The following PRR12 variants were observed in gnomAD, a reference collection of about 807,000 sequenced individuals.
The protein encoded by PRR12 is proline rich 12.
A neutral mutation model predicts 138.0 loss-of-function variants in PRR12; 12 were observed. The ratio of observed to expected loss-of-function variants is 0.09; its 90% confidence interval spans 0.06 to 0.14. The LOEUF (loss-of-function observed/expected upper bound fraction) is 0.14. Among genes scored for constraint, PRR12 ranks in the 10% least tolerant of loss-of-function variants. The probability of loss-of-function intolerance (pLI) is 1.00; values close to 1 mark genes in which losing one functional copy is unlikely to be tolerated. For synonymous variants in PRR12, 1,567 were observed against 1,291.7 expected, an observed-to-expected ratio of 1.21 and a Z score of -4.57; for missense variants, 2,692 against 2,861.3, an observed-to-expected ratio of 0.94 and a Z score of 1.35.
chr19:49,595,283 T>C lies in PRR12; in HGVS notation c.948T>C (p.Cys316=). ...ATGCGCTCCAGCACTATCTGAGCTG[T>C]GGAGGCAGCTACCCCTCCATGGGCC... is the stretch of plus-strand genomic sequence containing the variant. ...PAHALQHYLS[C]GGSYPSMGHR... The change falls in exon 4 of 14, where the codon TGT becomes TGC. Residue 316 remains cysteine, a synonymous_variant. Transcript: ENST00000418929. 6.5e-7 allele frequency: 1 copy of C among 1,545,232 alleles called. No homozygotes were observed. The highest frequency in any genetic ancestry group is 8.7e-7 in the Non-Finnish European group (1 of 1,146,366).
intron 1 of PRR12, among the ~76,000 whole-genome samples, chr19:49,593,001 G>T (rs762972046): frequency 5.9e-5 from 9 of 152,072 alleles, no homozygotes; most frequent in Non-Finnish European, 1.0e-4. Flanking sequence ...CGACGGGGGA[G>T]GGCTCTCATT....
chr19:49,602,051 C>T, intron 6 of PRR12, 133 bp downstream of exon 6: 1 of 1,119,676 alleles, frequency 8.9e-7, no homozygotes, highest in Non-Finnish European at 1.3e-6. Flanking sequence ...AATTTGCAGT[C>T]CTATGGGGCT....
At position 49,615,136 on chromosome 19, in the gene PRR12, AGAG is replaced by A. The variant is rs1026015035; in HGVS notation, c.5024+129_5024+131del. ...GAGAGAGGAGACAGAGCCCAGAGAG[AGAG>A]GGGGACAGAGACCCGGAGAGAAATA... On this transcript the variant is annotated intron_variant, in intron 8 of 13. Coordinates refer to ENST00000418929, the MANE Select transcript of PRR12 (RefSeq NM_020719.3). 6 of 1,342,774 alleles carry A rather than the reference AGAG, an allele frequency of 4.5e-6. No homozygotes were observed. The African/African-American group carries it at 8.8e-5, about 20-fold the overall frequency. 83.2% of individuals were successfully genotyped at this position (1,342,774 alleles called of 1,614,324 possible). A position where few individuals can be genotyped will look rare whatever the true frequency, so the allele number is the denominator to read the frequency against.
At chr19:49,598,169 G>A (rs2080788390) in intron 4 of PRR12, among the ~76,000 whole-genome samples, 156 bp downstream of exon 4, 1 of 151,974 alleles carries the variant, frequency 6.6e-6, no homozygotes, top group Non-Finnish European at 1.5e-5. Context: ...CGCCTCCCGG[G>A]TTCACGCCAT....
Position 49,596,396 on chromosome 19 carries a change from C to T in PRR12, c.2061C>T (p.Pro687=), listed in dbSNP as rs1196833048. Residue 687 remains proline, a synonymous_variant, in exon 4 of 14, where the codon CCC becomes CCT. Coordinates refer to ENST00000418929, the MANE Select transcript of PRR12 (RefSeq NM_020719.3). The surrounding 1 kb of genome is among the most constrained non-coding windows in gnomAD (Gnocchi z 5.6). ...SGGAGGPPGT[P]YELAKEDPQR... is the part of the protein sequence containing the mutation. ...GGGCCGGGGGACCACCGGGTACACC[C>T]TACGAGTTGGCCAAGGAAGACCCCC... The T allele has an allele frequency of 3.1e-6, 5 of 1,605,604 alleles. No individual in the cohort carries two copies. In the South Asian group the frequency reaches 3.3e-5, roughly 11 times the overall value.
intron 1 of PRR12, 94 bp from the exon 2 acceptor site, chr19:49,593,233 G>T: frequency 5.3e-6 from 3 of 562,870 alleles, no homozygotes; most frequent in Non-Finnish European, 9.3e-6. Flanking sequence ...CCGGTCAGCT[G>T]GAAGGGTCCC....
Position 49,597,319 on chromosome 19 carries a change from C to G in PRR12, c.2984C>G (p.Pro995Arg). The G allele has an allele frequency of 6.4e-7, 1 of 1,550,694 alleles. No homozygotes were observed. Among genetic ancestry groups the G allele is most frequent in the Non-Finnish European group, 8.7e-7 (1 of 1,151,380 alleles). The part of the protein sequence containing the change: ...PAYDPYGPYC[P>R]GRASGAGPET... ...TATGATCCCTATGGGCCCTACTGTC[C>G]TGGCCGGGCGTCGGGAGCCGGGCCC... Residue 995 changes from proline (P) to arginine (R), a missense_variant, in exon 4 of 14, where the codon CCT (proline) becomes CGT (arginine). By Grantham distance (103) the Pro-to-Arg change is moderately radical (BLOSUM62 -2). Around this residue, in one of 11 missense-constraint regions of PRR12, gnomAD observed 840 missense variants for 689.8 expected, o/e 1.22. Transcript: ENST00000418929. The surrounding 1 kb of genome is among the most constrained non-coding windows in gnomAD (Gnocchi z 6.3).
intron 6 of PRR12, among the ~76,000 whole-genome samples, chr19:49,610,450 A>G (rs1215040460): frequency 1.3e-5 from 2 of 152,072 alleles, no homozygotes; most frequent in Non-Finnish European, 2.9e-5. Flanking sequence ...GGCTGAGTGC[A>G]GTGGCCCACG....
Position 49,597,923 on chromosome 19 carries a change from C to T in PRR12, c.3588C>T (p.Gly1196=), listed in dbSNP as rs1375532919. 7.8e-6 allele frequency: 11 copies of T among 1,403,948 alleles called. No individual in the cohort carries two copies. Among genetic ancestry groups the T allele is most frequent in the Non-Finnish European group, 9.2e-6 (10 of 1,083,032 alleles). 87.0% of individuals were successfully genotyped at this position (1,403,948 alleles called of 1,614,324 possible). Residue 1196 remains glycine, a synonymous_variant, in exon 4 of 14, where the codon GGC becomes GGT. Coordinates refer to ENST00000418929, the MANE Select transcript of PRR12 (RefSeq NM_020719.3). The surrounding 1 kb of genome is among the most constrained non-coding windows in gnomAD (Gnocchi z 6.3). ...GPASASTPTD[G]AKKPRGRGRG... ...CCTCGGCCTCCACGCCCACCGATGGCGCCAAGAAACCCCGGGGCCGGGGCC... is the reference window on the plus strand; with the variant it reads ...CCTCGGCCTCCACGCCCACCGATGGTGCCAAGAAACCCCGGGGCCGGGGCC...
intron 6 of PRR12, among the ~76,000 whole-genome samples, chr19:49,604,230 T>C (rs960951866): frequency 2.0e-5 from 3 of 151,426 alleles, no homozygotes; most frequent in Non-Finnish European, 4.4e-5. Context: ...AGGCCGGGAG[T>C]GGTGGCTCAC....
At chr19:49,619,704 G>A (rs1253061858) in intron 9 of PRR12, among the ~76,000 whole-genome samples, 3 of 149,600 alleles carry the variant, frequency 2.0e-5, no homozygotes, top group Non-Finnish European at 4.4e-5. Context: ...ACCATGCCCG[G>A]CTAATTTTGT....
Position 49,625,373 on chromosome 19 carries a change from T to A in PRR12, c.5965-88T>A, listed in dbSNP as rs2080949469. ...CCCTGGTCTCCCTGGGACACTGACATCTGACACCCCAGGCCCCATGCCCCA... is the reference window on the plus strand; with the variant it reads ...CCCTGGTCTCCCTGGGACACTGACAACTGACACCCCAGGCCCCATGCCCCA... On this transcript the variant is annotated intron_variant, in intron 13 of 13. Coordinates refer to ENST00000418929, the MANE Select transcript of PRR12 (RefSeq NM_020719.3). The surrounding 1 kb of genome is among the most constrained non-coding windows in gnomAD (Gnocchi z 5.5). 7 of 1,459,450 alleles carry A rather than the reference T, an allele frequency of 4.8e-6. No individual in the cohort carries two copies. The highest frequency in any genetic ancestry group is 6.5e-6 in the Non-Finnish European group (7 of 1,083,140). The allele number at this position is 1,459,450 out of a possible 1,614,324, so 90.4% of individuals were successfully genotyped here.
At position 49,596,485 on chromosome 19, in the gene PRR12, C is replaced by T. The variant is rs2080769955; in HGVS notation, c.2150C>T (p.Ala717Val). 2 of 1,610,730 alleles carry T rather than the reference C, an allele frequency of 1.2e-6. No individual in the cohort carries two copies. Among genetic ancestry groups the T allele is most frequent in the Non-Finnish European group, 1.7e-6 (2 of 1,179,212 alleles). ...AGCCTGGATGAGGGTGCCACTGCGG[C>T]ACTGGAGCTGGGCCTGGGGAGGCTG... ...SASLDEGATA[A>V]LELGLGRLKE... Residue 717 changes from alanine to valine, a missense_variant, in exon 4 of 14, where the codon GCA becomes GTA. Around this residue, in one of 11 missense-constraint regions of PRR12, gnomAD observed 840 missense variants for 689.8 expected, o/e 1.22. Coordinates refer to ENST00000418929, the MANE Select transcript of PRR12 (RefSeq NM_020719.3). The surrounding 1 kb of genome is among the most constrained non-coding windows in gnomAD (Gnocchi z 5.6).
chr19:49,617,125 C>T (rs552316058), intron 9 of PRR12, among the ~76,000 whole-genome samples: 67 of 145,692 alleles, frequency 4.6e-4, no homozygotes, highest in East Asian at 2.0e-3. Context: ...AACAAGACTC[C>T]GTCTCAAAAA....
Position 49,595,781 on chromosome 19 carries a change from C to T in PRR12, c.1446C>T (p.Pro482=). The T allele has an allele frequency of 6.3e-7, 1 of 1,598,120 alleles. No homozygotes were observed. The highest frequency in any genetic ancestry group is 1.7e-5 in the Admixed American group (1 of 58,104). Reference sequence around the variant, plus strand: ...GCTACTCAGGGGGCCCCCCACAGCCCCCCAGCGGCCCCCCTCCTCCTGGCC... The same window carrying T: ...GCTACTCAGGGGGCCCCCCACAGCCTCCCAGCGGCCCCCCTCCTCCTGGCC... ...APSYSGGPPQ[P]PSGPPPPGLA... The change falls in exon 4 of 14, where the codon CCC becomes CCT. Residue 482 remains proline (P), a synonymous_variant. Transcript: ENST00000418929.
At chr19:49,609,086 G>A (rs943182969) in intron 6 of PRR12, among the ~76,000 whole-genome samples, 1 of 152,162 alleles carries the variant, frequency 6.6e-6, no homozygotes, top group African/African-American at 2.4e-5. Context: ...GGCTGAGGTG[G>A]GTGAATCGCT....
chr19:49,619,065 G>A lies in PRR12; in HGVS notation c.5498-1287G>A, dbSNP rs1228970340. ...AGCTCCCATCTCGTCCCTCAGCCTTGCCCCTTTATGATCTGACCTCCCTGG... is the reference window on the plus strand; with the variant it reads ...AGCTCCCATCTCGTCCCTCAGCCTTACCCCTTTATGATCTGACCTCCCTGG... On this transcript the variant is annotated intron_variant, in intron 9 of 13. Coordinates refer to ENST00000418929, the MANE Select transcript of PRR12 (RefSeq NM_020719.3). Among the ~76,000 whole-genome samples, 3 of 151,924 alleles carry A rather than the reference G, an allele frequency of 2.0e-5. No individual in the cohort carries two copies. The East Asian group carries it at 5.8e-4, about 29-fold the overall frequency.
rs746772578 is a variant in PRR12, at chr19:49,597,011, G to T, written c.2676G>T (p.Pro892=). 7 of 1,556,822 alleles carry T rather than the reference G, an allele frequency of 4.5e-6. No individual in the cohort carries two copies. The highest frequency in any genetic ancestry group is 6.1e-6 in the Non-Finnish European group (7 of 1,153,358). The part of the protein sequence containing the change: ...ELLGALEPLP[P]APGDTGVGPP... ...TCGGGGCTCTGGAGCCGCTGCCCCC[G>T]GCGCCTGGGGATACTGGCGTAGGCC... The change falls in exon 4 of 14, where the codon CCG becomes CCT. Residue 892 remains proline, a synonymous_variant. Coordinates refer to ENST00000418929, the MANE Select transcript of PRR12 (RefSeq NM_020719.3). This position sits in a 1 kb window ranked among gnomAD's most constrained non-coding sequence, Gnocchi z 6.3.
rs1220655005 is a variant in PRR12, at chr19:49,615,971, G to C, written c.5249G>C (p.Gly1750Ala). 5 of 1,552,974 alleles carry C rather than the reference G, an allele frequency of 3.2e-6. No individual in the cohort carries two copies. Among genetic ancestry groups the C allele is most frequent in the Non-Finnish European group, 4.4e-6 (5 of 1,147,710 alleles). Residue 1750 changes from glycine (G) to alanine (A), a missense_variant, in exon 9 of 14, where the codon GGA (glycine) becomes GCA (alanine). Around this residue, in one of 11 missense-constraint regions of PRR12, gnomAD observed 259 missense variants for 265.1 expected, o/e 0.98. Coordinates refer to ENST00000418929, the MANE Select transcript of PRR12 (RefSeq NM_020719.3). ...AAGGAGAAGGAGAAGGTGACACGTG[G>C]AGAGCGGCCATTGCGGGGTGAGCGG... ...KEKEKEKVTR[G>A]ERPLRGERAT...
Sources: allele counts gnomAD v4.1 joint callset (sites outside exome capture counted in the v4.1 genomes callset), GRCh38; gene constraint gnomAD v4.1.1; regional missense constraint gnomAD v4.1.1; non-coding constraint Gnocchi (gnomAD v3.1); transcripts MANE v1.5; gene names NCBI Gene and HGNC (gene_info 2026-07-23, HGNC 2026-07-21).